CLCN5: variants seen among roughly 807,000 people sequenced by gnomAD.
CLCN5 encodes Cl-/H+ antiporter 5.
CLCN5 carries 17 observed loss-of-function variants against 54.0 expected under a neutral mutation model. The observed-to-expected ratio is 0.31, with a 90% CI of 0.22 to 0.47. The LOEUF (loss-of-function observed/expected upper bound fraction) is 0.47. CLCN5 is among the 20% of genes least tolerant of loss of function. The pLI, the probability that CLCN5 is intolerant of heterozygous loss-of-function variation, is 1.00. For synonymous variants in CLCN5, 222 were observed against 233.0 expected (o/e 0.95, Z 0.43); for missense variants, 448 against 646.7 (o/e 0.69, Z 3.33).
chrX:50,007,397 TTCTCTC>T (rs781888075), intron 3 of CLCN5, among the ~76,000 whole-genome samples: 9,542 of 63,998 alleles, frequency 0.15, 451 homozygotes, highest in Admixed American at 0.26. Context: ...CTCTCTCTCT[TTCTCTC>T]TCTCTCTCTC....
rs1772031463 is a variant in CLCN5 at position 50,096,997 on chromosome X, G to C, written c.*4778G>C. On this transcript the variant is annotated 3_prime_UTR_variant, in exon 15 of 15. Coordinates refer to ENST00000376091, the MANE Select transcript of CLCN5 (RefSeq NM_001127898.4). ...GTTTAGATAGATTGTCTTGAATTTT[G>C]ATAGCAAATTTTTTTAAATTTATAT... 8.9e-6 allele frequency: 1 copy of C among 111,834 alleles called. No individual in the cohort carries two copies. Among genetic ancestry groups the C allele is most frequent in the Non-Finnish European group, 1.9e-5 (1 of 53,202 alleles). The allele number at this position is 111,834 out of a possible 1,213,427, so 9.2% of individuals were successfully genotyped here.
intron 4 of CLCN5, among the ~76,000 whole-genome samples, chrX:50,059,397 T>C (rs924297045): frequency 1.8e-5 from 2 of 112,151 alleles, no homozygotes; most frequent in Non-Finnish European, 3.8e-5. Context: ...GCCACTGGCA[T>C]TGTAAAAATT....
chrX:49,941,568 G>A (rs1926333023), intron 3 of CLCN5, among the ~76,000 whole-genome samples: 1 of 110,157 alleles, frequency 9.1e-6, no homozygotes, highest in Non-Finnish European at 1.9e-5. Context: ...TTCATGCCCA[G>A]TCCAAGCTGA....
chrX:49,983,655 A>G (rs1369299284), intron 3 of CLCN5, among the ~76,000 whole-genome samples: 2 of 107,857 alleles, frequency 1.9e-5, no homozygotes, highest in East Asian at 5.6e-4. Context: ...ATTAATATAC[A>G]TAATGTATTA....
chrX:49,976,326 G>A (rs7892296), intron 3 of CLCN5, among the ~76,000 whole-genome samples: 1,806 of 112,347 alleles, frequency 0.016, 32 homozygotes, highest in African/African-American at 0.054. Flanking sequence ...TTGGTAACAA[G>A]GCCAGCACCA....
rs1934350225 is a variant in CLCN5, at chrX:50,099,223, C to G, written c.*7004C>G. On this transcript the variant is annotated 3_prime_UTR_variant, in exon 15 of 15. Coordinates refer to ENST00000376091, the MANE Select transcript of CLCN5 (RefSeq NM_001127898.4). ...AATTATGCATGTAATAAAGCACAGC[C>G]TTATCCACCCTGGTGTCTGGTGTGT... is the stretch of plus-strand genomic sequence containing the variant. 8.9e-6 allele frequency: 1 copy of G among 111,928 alleles called. No individual in the cohort carries two copies. The highest frequency in any genetic ancestry group is 3.8e-4 in the South Asian group (1 of 2,644). The allele number at this position is 111,928 out of a possible 1,213,427, so 9.2% of individuals were successfully genotyped here. A position where few individuals can be genotyped will look rare whatever the true frequency, so the allele number is the denominator to read the frequency against.
chrX:50,037,666 A>C (rs1429190187), intron 3 of CLCN5, among the ~76,000 whole-genome samples: 1 of 112,121 alleles, frequency 8.9e-6, no homozygotes, highest in Non-Finnish European at 1.9e-5. Context: ...GGATTGTTCA[A>C]GAAAGTAAAA....
intron 3 of CLCN5, among the ~76,000 whole-genome samples, chrX:49,993,485 C>T (rs1361087806): frequency 3.6e-5 from 4 of 111,609 alleles, no homozygotes; most frequent in Non-Finnish European, 7.5e-5. Flanking sequence ...AATGTGTAAT[C>T]ACTAGGGAGA....
intron 4 of CLCN5, among the ~76,000 whole-genome samples, chrX:50,050,955 C>A (rs1023024069): frequency 7.2e-5 from 8 of 111,427 alleles, no homozygotes; most frequent in Non-Finnish European, 1.9e-5. Flanking sequence ...AGCCACTGCG[C>A]CTGGCCGTGG....
chrX:49,978,601 GA>G (rs1238776748), intron 3 of CLCN5, among the ~76,000 whole-genome samples: 1 of 112,526 alleles, frequency 8.9e-6, no homozygotes, highest in African/African-American at 3.2e-5. Context: ...AAACACTTTG[GA>G]AAACATAATG....
chrX:50,071,881 G>T (rs190220843), intron 5 of CLCN5, among the ~76,000 whole-genome samples: 31 of 111,490 alleles, frequency 2.8e-4, no homozygotes, highest in South Asian at 7.6e-4. Context: ...GGCCCTGAAG[G>T]GTTAAATTGT....
At chrX:50,027,777 A>G in intron 3 of CLCN5, among the ~76,000 whole-genome samples, 1 of 99,831 alleles carries the variant, frequency 1.0e-5, no homozygotes, top group Non-Finnish European at 2.0e-5. Context: ...GTTGAAAGCT[A>G]GACATGATAT....
At chrX:50,070,999 T>C (rs1198420218) in intron 5 of CLCN5, among the ~76,000 whole-genome samples, 1 of 111,045 alleles carries the variant, frequency 9.0e-6, no homozygotes, top group Non-Finnish European at 1.9e-5. Flanking sequence ...GGTATTATTT[T>C]TTTTTCTTTC....
intron 7 of CLCN5, 92 bp from the exon 8 acceptor site, chrX:50,080,502 C>CT (rs57303985): frequency 1.4e-5 from 7 of 498,371 alleles, no homozygotes; most frequent in Non-Finnish European, 1.9e-5. Context: ...TTTTTTTGGA[C>CT]TTTTTTTCCT....
chrX:50,056,228 A>G (rs1932743378), intron 4 of CLCN5, among the ~76,000 whole-genome samples: 1 of 110,802 alleles, frequency 9.0e-6, no homozygotes, highest in Admixed American at 9.7e-5. Flanking sequence ...ATAGAAACCA[A>G]TGTAGACTTA....
At chrX:49,981,243 T>C (rs1014597688) in intron 3 of CLCN5, among the ~76,000 whole-genome samples, 5 of 112,102 alleles carry the variant, frequency 4.5e-5, no homozygotes, top group Non-Finnish European at 9.4e-5. Flanking sequence ...TGAGCCGTTA[T>C]TTCTCTACAC....
At chrX:50,064,815 A>G (rs1322767864) in intron 4 of CLCN5, among the ~76,000 whole-genome samples, 3 of 101,436 alleles carry the variant, frequency 3.0e-5, no homozygotes, top group Non-Finnish European at 3.9e-5. Context: ...AAACAGAGAT[A>G]TAGATCAATG....
intron 4 of CLCN5, among the ~76,000 whole-genome samples, chrX:50,045,530 G>A (rs1557187681): frequency 1.8e-5 from 2 of 112,231 alleles, no homozygotes; most frequent in Non-Finnish European, 1.9e-5. Flanking sequence ...AGTACTTTGT[G>A]TGTTCATGTT....
intron 3 of CLCN5, chrX:50,003,306 C>G (rs782185222): frequency 2.6e-5 from 9 of 345,978 alleles, no homozygotes; most frequent in Admixed American, 1.1e-4. Flanking sequence ...TAGACCCTCT[C>G]TTACGTGCTC....
Sources: gnomAD v4.1 joint callset for allele counts (sites outside exome capture counted in the v4.1 genomes callset) on GRCh38, gnomAD v4.1.1 for gene constraint, MANE v1.5 for transcripts, NCBI Gene and HGNC (gene_info 2026-07-23, HGNC 2026-07-21) for gene names.